CCDC102B: variants seen among roughly 807,000 people sequenced by gnomAD.
The protein encoded by CCDC102B is coiled-coil domain-containing protein 102B.
In CCDC102B, 75 loss-of-function variants were observed where a neutral mutation model predicts 57.4. The ratio of observed to expected loss-of-function variants is 1.31; its 90% CI spans 1.08 to 1.58. CCDC102B has a LOEUF of 1.58. CCDC102B is among the 40% of genes most tolerant of loss of function. CCDC102B has a pLI of 0.00. For synonymous variants in CCDC102B, 206 were observed against 201.9 expected, an observed-to-expected ratio of 1.02 and a Z score of -0.17; for missense variants, 636 against 582.6, an observed-to-expected ratio of 1.09 and a Z score of -0.94.
intron 5 of CCDC102B, among the ~76,000 whole-genome samples, chr18:68,881,062 G>T (rs909435946): frequency 2.0e-5 from 3 of 152,138 alleles, no homozygotes; most frequent in Non-Finnish European, 4.4e-5. Flanking sequence ...TTGCTTTACT[G>T]AAGAAATAAC....
intron 6 of CCDC102B, among the ~76,000 whole-genome samples, chr18:68,927,140 CT>C (rs2041500390): frequency 6.6e-6 from 1 of 151,910 alleles, no homozygotes; most frequent in Non-Finnish European, 1.5e-5. Flanking sequence ...AGGAGAAAGA[CT>C]GTGAGCTTCA....
At chr18:68,915,639 G>A (rs1217601669) in intron 6 of CCDC102B, among the ~76,000 whole-genome samples, 1 of 152,100 alleles carries the variant, frequency 6.6e-6, no homozygotes, top group African/African-American at 2.4e-5. Context: ...GTGACTATTT[G>A]TTAGCCTAAC....
chr18:68,870,037 G>A (rs2039173182), intron 4 of CCDC102B, among the ~76,000 whole-genome samples: 1 of 152,144 alleles, frequency 6.6e-6, no homozygotes, highest in Non-Finnish European at 1.5e-5. Flanking sequence ...GGTTGTAGAT[G>A]TGTGGCCTTA....
chr18:68,814,898 A>G (rs1159301019), intron 1 of CCDC102B, among the ~76,000 whole-genome samples: 1 of 152,134 alleles, frequency 6.6e-6, no homozygotes, highest in African/African-American at 2.4e-5. Context: ...ATCCAGAAAT[A>G]TTAGAATAGA....
chr18:68,846,077 G>A (rs2037842058), intron 3 of CCDC102B, among the ~76,000 whole-genome samples: 2 of 151,586 alleles, frequency 1.3e-5, no homozygotes, highest in African/African-American at 4.8e-5. Context: ...TGTCAATACT[G>A]GCAAAGCCAA....
intron 6 of CCDC102B, among the ~76,000 whole-genome samples, chr18:68,898,299 A>G (rs1363820864): frequency 6.6e-6 from 1 of 152,132 alleles, no homozygotes; most frequent in Non-Finnish European, 1.5e-5. Context: ...ATAAGCTCTA[A>G]AACCTAAATG....
chr18:68,738,993 C>CTTTTTTTTTTTTTT lies in CCDC102B; in HGVS notation c.-67+22403_-67+22404insTTTTTTTTTTTTTT, dbSNP rs201214278. On this transcript the variant is annotated intron_variant, in intron 2 of 3. Coordinates refer to the CCDC102B transcript ENST00000578970. ...GGCCATTGGACTGTAGATGAGCAGC[C>CTTTTTTTTTTTTTT]TTTTGTTTTTTTTTTTTTTAGACCA... is the stretch of plus-strand genomic sequence containing the variant. Among the ~76,000 whole-genome samples, 67 of 145,018 alleles carry CTTTTTTTTTTTTTT rather than the reference C, an allele frequency of 4.6e-4. 1 individual carries two copies. The highest frequency in any genetic ancestry group is 3.6e-3 in the Middle Eastern group (1 of 280).
At chr18:68,823,392 A>T (rs1284069635) in intron 1 of CCDC102B, 1 of 152,184 alleles carries the variant, frequency 6.6e-6, no homozygotes, top group Non-Finnish European at 1.5e-5. Flanking sequence ...AACCTGGACA[A>T]CTTGCCGTCA....
chr18:68,796,244 C>G (rs1207519872), upstream of CCDC102B, among the ~76,000 whole-genome samples: 3 of 151,938 alleles, frequency 2.0e-5, no homozygotes, highest in African/African-American at 7.3e-5. Context: ...GAAGACTGGG[C>G]AAATTATTGA....
chr18:69,026,017 A>C (rs1268129592), intron 7 of CCDC102B, among the ~76,000 whole-genome samples: 1 of 152,100 alleles, frequency 6.6e-6, no homozygotes, highest in Admixed American at 6.6e-5. Context: ...GTAGTTCTTG[A>C]AGTTTGTGCA....
intron 1 of CCDC102B, among the ~76,000 whole-genome samples, chr18:68,817,453 A>G (rs1568266988): frequency 6.6e-6 from 1 of 152,198 alleles, no homozygotes; most frequent in Non-Finnish European, 1.5e-5. Context: ...TAACATTTAA[A>G]CAGCAAAATA....
chr18:68,951,283 G>T (rs1425432593), intron 6 of CCDC102B, among the ~76,000 whole-genome samples: 1 of 152,100 alleles, frequency 6.6e-6, no homozygotes. Flanking sequence ...AGAAAACTTG[G>T]TCCTATTTGA....
Position 68,849,721 on chromosome 18 carries a change from G to A in CCDC102B, c.936+3300G>A, listed in dbSNP as rs2038038300. 2.0e-5 allele frequency among the ~76,000 whole-genome samples: 3 copies of A among 152,058 alleles called. No homozygotes were observed. In the South Asian group the frequency reaches 6.2e-4, roughly 32 times the overall value. On this transcript the variant is annotated intron_variant, in intron 4 of 7. Coordinates refer to ENST00000360242, the MANE Select transcript of CCDC102B (RefSeq NM_024781.3). ...CATTCACCTGCCTAAACCATCACAG[G>A]CTGATGGTTCAGTGGATGCCCACTG... is the stretch of plus-strand genomic sequence containing the variant.
intron 6 of CCDC102B, among the ~76,000 whole-genome samples, chr18:68,939,103 T>G (rs1213188927): frequency 6.6e-6 from 1 of 151,782 alleles, no homozygotes; most frequent in Non-Finnish European, 1.5e-5. Context: ...ATCAATTATA[T>G]TTTCGGACTT....
At chr18:68,978,165 C>T (rs1347183127) in intron 6 of CCDC102B, among the ~76,000 whole-genome samples, 2 of 152,008 alleles carry the variant, frequency 1.3e-5, no homozygotes, top group Admixed American at 1.3e-4. Flanking sequence ...GAGCCCTGGG[C>T]ACCAGATTGC....
intron 6 of CCDC102B, among the ~76,000 whole-genome samples, chr18:68,933,770 A>T (rs1343025495): frequency 3.3e-5 from 5 of 151,912 alleles, no homozygotes; most frequent in African/African-American, 1.2e-4. Context: ...TATAAATGTA[A>T]TTAGGATGAT....
At chr18:69,048,219 T>G (rs748048735) in intron 7 of CCDC102B, among the ~76,000 whole-genome samples, 4 of 151,604 alleles carry the variant, frequency 2.6e-5, no homozygotes, top group Non-Finnish European at 4.4e-5. Context: ...TGTGTGTGTG[T>G]GTGTTTTTTT....
intron 5 of CCDC102B, among the ~76,000 whole-genome samples, chr18:68,892,062 C>T (rs747233093): frequency 1.3e-5 from 2 of 152,148 alleles, no homozygotes; most frequent in African/African-American, 2.4e-5. Flanking sequence ...AGTGAAGGGA[C>T]ACTTTTTAAA....
At chr18:68,739,785 GA>G (rs2033304803) in intron 2 of CCDC102B, among the ~76,000 whole-genome samples, 1 of 152,136 alleles carries the variant, frequency 6.6e-6, no homozygotes, top group Non-Finnish European at 1.5e-5. Flanking sequence ...GGGCTTACCA[GA>G]AGCTCCTCCT....
Sources: allele counts gnomAD v4.1 joint callset (sites outside exome capture counted in the v4.1 genomes callset), GRCh38; gene constraint gnomAD v4.1.1; transcripts MANE v1.5; gene names NCBI Gene and HGNC (gene_info 2026-07-23, HGNC 2026-07-21).